Variants in ZDHHC7 observed in about 807,000 individuals in gnomAD.
ZDHHC7 encodes zDHHC palmitoyltransferase 7, also known as palmitoyltransferase ZDHHC7.
In ZDHHC7, 12 loss-of-function variants were observed where a neutral mutation model predicts 34.1. The ratio of observed to expected loss-of-function variants is 0.35; its 90% CI spans 0.23 to 0.57. The LOEUF (loss-of-function observed/expected upper bound fraction) is 0.57, where lower values mean the gene tolerates loss of function less well. Among genes scored for constraint, ZDHHC7 ranks in the 20% least tolerant of loss-of-function variants. ZDHHC7 has a pLI of 0.84. For synonymous variants in ZDHHC7, 185 were observed against 155.4 expected (o/e 1.19, Z -1.42); for missense variants, 388 against 402.7 (o/e 0.96, Z 0.31).
intron 2 of ZDHHC7, 58 bp from the exon 3 acceptor site, chr16:84,990,693 A>C: frequency 7.0e-7 from 1 of 1,427,726 alleles, no homozygotes; most frequent in Middle Eastern, 1.8e-4. Flanking sequence ...AGCTACCTTA[A>C]ATATGATGTG....
At chr16:85,015,161 G>A (rs1398060598), upstream of ZDHHC7, among the ~76,000 whole-genome samples, 2 of 150,382 alleles carry the variant, frequency 1.3e-5, no homozygotes, top group Non-Finnish European at 1.5e-5. Flanking sequence ...GTGCAATGTC[G>A]CAATCTCAGC....
At chr16:85,014,298 T>G (rs2072825514), upstream of ZDHHC7, among the ~76,000 whole-genome samples, 1 of 152,148 alleles carries the variant, frequency 6.6e-6, no homozygotes, top group Non-Finnish European at 1.5e-5. Flanking sequence ...TGGGGATCGT[T>G]TATAGAGAAA....
At chr16:84,987,884 C>T (rs777257152) in intron 3 of ZDHHC7, among the ~76,000 whole-genome samples, 25 of 152,206 alleles carry the variant, frequency 1.6e-4, no homozygotes, top group Non-Finnish European at 2.9e-4. Flanking sequence ...CCTCAACAGG[C>T]GGCCAGGCGC....
In ZDHHC7 at chr16:84,976,604, GCA is replaced by G. The variant is rs2143532595; in HGVS notation, c.751-87_751-86del. On this transcript the variant is annotated intron_variant, in intron 7 of 7. Transcript: ENST00000313732. ...AGCCTCAGAATCACACCGTGCTCAA[GCA>G]CAGTGTGGGCTCGATGGAGGGTAGG... 3 of 1,529,148 alleles carry G rather than the reference GCA, an allele frequency of 2.0e-6. No individual in the cohort carries two copies. In the South Asian group the frequency reaches 3.6e-5, roughly 18 times the overall value. 94.7% of individuals were successfully genotyped at this position (1,529,148 alleles called of 1,614,324 possible).
intron 1 of ZDHHC7, among the ~76,000 whole-genome samples, chr16:85,008,405 T>C (rs1158966685): frequency 6.6e-6 from 1 of 152,006 alleles, no homozygotes; most frequent in African/African-American, 2.4e-5. Flanking sequence ...TAACGTGTTC[T>C]GAGTCCACAG....
chr16:85,012,374 C>G (rs1185717186), upstream of ZDHHC7, among the ~76,000 whole-genome samples: 2 of 93,902 alleles, frequency 2.1e-5, no homozygotes, highest in East Asian at 3.0e-4. Flanking sequence ...ACAGAGTGAA[C>G]AGTCTCAAAA....
rs1179526713 is a variant in ZDHHC7, at chr16:84,999,526, GA to G, written c.-103-3520del. Among the ~76,000 whole-genome samples, 3 of 152,196 alleles carry G rather than the reference GA, an allele frequency of 2.0e-5. No individual in the cohort carries two copies. The South Asian group carries it at 6.2e-4, about 32-fold the overall frequency. ...TGTATTCATATAATGGCATACTTCT[GA>G]GCAAAAAAGCAGGAAAATATTACTG... On this transcript the variant is annotated intron_variant, in intron 1 of 7. Coordinates refer to ENST00000313732, the MANE Select transcript of ZDHHC7 (RefSeq NM_017740.3).
chr16:85,009,910 G>C (rs970647279), intron 1 of ZDHHC7, among the ~76,000 whole-genome samples: 1 of 151,858 alleles, frequency 6.6e-6, no homozygotes, highest in South Asian at 2.1e-4. Flanking sequence ...GGGTTTCACC[G>C]TGTTAGCCAG....
At chr16:85,017,069 G>A in the ZDHHC7 span, among the ~76,000 whole-genome samples, 1 of 151,934 alleles carries the variant, frequency 6.6e-6, no homozygotes, top group Non-Finnish European at 1.5e-5. Context: ...AGCCTCCCAA[G>A]TGCTGGGATT....
intron 1 of ZDHHC7, among the ~76,000 whole-genome samples, chr16:85,004,548 C>T: frequency 6.6e-6 from 1 of 151,076 alleles, no homozygotes; most frequent in Middle Eastern, 3.4e-3. Flanking sequence ...CCCCACTCCA[C>T]CCCACCACCA....
intron 1 of ZDHHC7, among the ~76,000 whole-genome samples, chr16:84,997,115 C>A (rs1393454046): frequency 6.6e-6 from 1 of 151,684 alleles, no homozygotes; most frequent in Non-Finnish European, 1.5e-5. Flanking sequence ...GCACAATGCA[C>A]AGAGAAGAAA....
intron 3 of ZDHHC7, 42 bp from the exon 4 acceptor site, chr16:84,982,036 A>C: frequency 6.2e-7 from 1 of 1,611,930 alleles, no homozygotes; most frequent in Non-Finnish European, 8.5e-7. Flanking sequence ...GGAGAATGAA[A>C]GTTAAAAACA....
intron 7 of ZDHHC7, 141 bp downstream of exon 7, chr16:84,976,954 A>C: frequency 8.1e-7 from 1 of 1,231,232 alleles, no homozygotes; most frequent in Non-Finnish European, 1.1e-6. Flanking sequence ...CAGCAAACAC[A>C]GGGAGCTGGT....
At chr16:84,979,393 C>CA in intron 4 of ZDHHC7, 108 bp from the exon 5 acceptor site, 1 of 1,381,674 alleles carries the variant, frequency 7.2e-7, no homozygotes, top group Admixed American at 3.1e-5. Flanking sequence ...TATTCTAATA[C>CA]AACATGTCAA....
At chr16:84,998,108 A>C (rs1166143497) in intron 1 of ZDHHC7, among the ~76,000 whole-genome samples, 8 of 144,904 alleles carry the variant, frequency 5.5e-5, no homozygotes, top group Non-Finnish European at 9.2e-5. Flanking sequence ...CTAAAAATAA[A>C]AAAAAATTAG....
At chr16:84,977,423 C>G (rs2072312591) in intron 6 of ZDHHC7, 198 bp from the exon 7 acceptor site, 1 of 622,366 alleles carries the variant, frequency 1.6e-6, no homozygotes, top group South Asian at 2.2e-5. Flanking sequence ...CATACCATGA[C>G]TTCCTGGCCA....
upstream of ZDHHC7, among the ~76,000 whole-genome samples, chr16:85,013,877 G>A (rs1011496822): frequency 1.6e-4 from 24 of 150,182 alleles, no homozygotes; most frequent in Non-Finnish European, 2.1e-4. Context: ...TAGTAGAGAC[G>A]GGGTTTCACT....
At chr16:85,025,427 G>A in the ZDHHC7 span, among the ~76,000 whole-genome samples, 4 of 151,852 alleles carry the variant, frequency 2.6e-5, no homozygotes, top group African/African-American at 7.3e-5. Context: ...TTTTGGGGGG[G>A]GGGACTAAGT....
intron 3 of ZDHHC7, among the ~76,000 whole-genome samples, chr16:84,982,772 ACATGCATC>A (rs2072387414): frequency 6.6e-6 from 1 of 152,260 alleles, no homozygotes. Context: ...AGAAACTTGA[ACATGCATC>A]CATCTGTGCC....
Sources: gnomAD v4.1 joint callset for allele counts (sites outside exome capture counted in the v4.1 genomes callset) on GRCh38, gnomAD v4.1.1 for gene constraint, MANE v1.5 for transcripts, NCBI Gene and HGNC (gene_info 2026-07-23, HGNC 2026-07-21) for gene names.